The following RNF217 variants were observed in gnomAD, a reference collection of about 807,000 sequenced individuals.
The protein encoded by RNF217 is E3 ubiquitin-protein ligase RNF217.
Under a neutral mutation model 57.8 loss-of-function variants are expected in RNF217, and 31 were observed. The ratio of observed to expected loss-of-function variants is 0.54; its 90% CI spans 0.40 to 0.72. The LOEUF (loss-of-function observed/expected upper bound fraction) is 0.72. Ranked by LOEUF, RNF217 falls within the 30% of genes least tolerant of loss-of-function variation. The pLI is 0.00. For synonymous variants in RNF217, 313 were observed against 294.0 expected (o/e 1.06, Z -0.66); for missense variants, 696 against 708.3 (o/e 0.98, Z 0.20).
At position 125,045,207 on chromosome 6, in the gene RNF217, G is replaced by A. The variant is rs939981952; in HGVS notation, c.883-4G>A. ...TTCCTTCCATCTGCTCTTCCATCAT[G>A]CAGGTACAACTTGGCCAAGTAGAAA... On this transcript the variant is annotated splice_region_variant and splice_polypyrimidine_tract_variant and intron_variant, in intron 1 of 5. Coordinates refer to ENST00000521654, the MANE Select transcript of RNF217 (RefSeq NM_001286398.3). The A allele has an allele frequency of 8.8e-6, 14 of 1,598,786 alleles. No homozygotes were observed. Among genetic ancestry groups the A allele is most frequent in the Non-Finnish European group, 1.2e-5 (14 of 1,169,260 alleles).
At chr6:125,032,021 GAAGA>G (rs1031792421) in intron 1 of RNF217, among the ~76,000 whole-genome samples, 2 of 152,182 alleles carry the variant, frequency 1.3e-5, no homozygotes, top group African/African-American at 4.8e-5. Flanking sequence ...AGAAAATGAG[GAAGA>G]TGCAAAAGTG....
chr6:124,982,470 A>G (rs1784214739), intron 1 of RNF217, among the ~76,000 whole-genome samples: 1 of 152,192 alleles, frequency 6.6e-6, no homozygotes, highest in South Asian at 2.1e-4. Context: ...TTCTATAGCA[A>G]AAATGTGGTC....
intron 1 of RNF217, among the ~76,000 whole-genome samples, chr6:124,988,794 A>G (rs56298622): frequency 6.6e-6 from 1 of 152,166 alleles, no homozygotes; most frequent in East Asian, 1.9e-4. Context: ...GAGAATGTTC[A>G]TTCATAGAGA....
At chr6:125,046,733 C>G in intron 2 of RNF217, 1 of 453,870 alleles carries the variant, frequency 2.2e-6, no homozygotes, top group South Asian at 1.6e-5. Context: ...TTGAGGGGAC[C>G]ATGGTTTAGC....
rs1011901823 is a variant in RNF217, at chr6:125,084,499, G to A, written c.*1562G>A. 2.0e-5 allele frequency: 3 copies of A among 151,920 alleles called. No individual in the cohort carries two copies. The highest frequency in any genetic ancestry group is 7.2e-5 in the African/African-American group (3 of 41,406). The allele number at this position is 151,920 out of a possible 1,614,324, so 9.4% of individuals were successfully genotyped here. The stretch of plus-strand genomic sequence containing the variant: ...GTCTTAGATGTACATTTATTTGTCA[G>A]CAACCTTGTCTGATTTGAAATAGAT... On this transcript the variant is annotated 3_prime_UTR_variant, in exon 6 of 6. Coordinates refer to ENST00000521654, the MANE Select transcript of RNF217 (RefSeq NM_001286398.3).
intron 2 of RNF217, among the ~76,000 whole-genome samples, chr6:125,049,203 G>C (rs1481632127): frequency 6.6e-6 from 1 of 151,982 alleles, no homozygotes; most frequent in Non-Finnish European, 1.5e-5. Flanking sequence ...TTGAAGTTTT[G>C]ACTAATGTCC....
chr6:124,992,446 A>T (rs1490151550), intron 1 of RNF217, among the ~76,000 whole-genome samples: 6 of 152,166 alleles, frequency 3.9e-5, no homozygotes, highest in Admixed American at 3.9e-4. Context: ...TGTACTTGAC[A>T]TAGGCTGGTT....
intron 1 of RNF217, among the ~76,000 whole-genome samples, chr6:124,989,983 C>T (rs187551494): frequency 3.6e-4 from 55 of 152,036 alleles, no homozygotes; most frequent in African/African-American, 1.2e-3. Context: ...CAAAAGTTGT[C>T]TCCACTCCCA....
intron 1 of RNF217, among the ~76,000 whole-genome samples, chr6:125,040,120 G>GA (rs1786815127): frequency 6.6e-6 from 1 of 151,582 alleles, no homozygotes; most frequent in African/African-American, 2.4e-5. Flanking sequence ...ATAGAGACAT[G>GA]AAAAAACCTT....
At chr6:124,990,884 G>A (rs1784535100) in intron 1 of RNF217, among the ~76,000 whole-genome samples, 1 of 152,106 alleles carries the variant, frequency 6.6e-6, no homozygotes, top group Non-Finnish European at 1.5e-5. Flanking sequence ...GAGCAACAAA[G>A]CAAGACCCCA....
chr6:125,002,443 C>G (rs1785024949), intron 1 of RNF217, among the ~76,000 whole-genome samples: 2 of 149,878 alleles, frequency 1.3e-5, no homozygotes, highest in Non-Finnish European at 2.9e-5. Context: ...CCCTGCACGC[C>G]CCTATCCCCA....
At chr6:125,061,956 C>T (rs1414449882) in intron 3 of RNF217, among the ~76,000 whole-genome samples, 1 of 151,884 alleles carries the variant, frequency 6.6e-6, no homozygotes, top group Middle Eastern at 3.2e-3. Flanking sequence ...CAAATTGAAA[C>T]CATCTAACCC....
chr6:125,076,753 C>T lies in RNF217; in HGVS notation c.1378C>T (p.Arg460Ter), dbSNP rs777059419. 6.2e-6 allele frequency: 10 copies of T among 1,613,414 alleles called. 1 individual carries two copies. In the South Asian group the frequency reaches 6.6e-5, roughly 11 times the overall value. The change falls in exon 4 of 6, where the codon CGA becomes TGA. Residue 460 changes from arginine to a stop codon, truncating the protein, a stop_gained. Coordinates refer to ENST00000521654, the MANE Select transcript of RNF217 (RefSeq NM_001286398.3). LOFTEE classifies it high-confidence loss of function. ...YRCGERYRQL[R>*]FFGDHTSNLS... ...ATGTGGTGAGAGATACCGCCAGCTC[C>T]GATTTTTTGGAGACCACACATCAAA... is the stretch of plus-strand genomic sequence containing the variant.
intron 5 of RNF217, chr6:125,082,485 G>A (rs1788610693): frequency 2.5e-6 from 4 of 1,612,380 alleles, no homozygotes; most frequent in Non-Finnish European, 2.5e-6. Flanking sequence ...CTCATAAGTG[G>A]TAGAACCAGG....
Position 124,962,461 on chromosome 6 carries a change from G to C in RNF217, c.-84G>C. Reference sequence around the variant, plus strand: ...CAGAAGCGGAGCCGCGAGTCGAGCCGAGCCACTGCCCCCGCTGCCCGCGGG... The same window carrying C: ...CAGAAGCGGAGCCGCGAGTCGAGCCCAGCCACTGCCCCCGCTGCCCGCGGG... On this transcript the variant is annotated 5_prime_UTR_variant, in exon 1 of 6. Transcript: ENST00000521654. The surrounding 1 kb of genome is among the most constrained non-coding windows in gnomAD (Gnocchi z 4.6). 2 of 536,456 alleles carry C rather than the reference G, an allele frequency of 3.7e-6. No individual in the cohort carries two copies. The highest frequency in any genetic ancestry group is 5.1e-6 in the Non-Finnish European group (2 of 392,052). The allele number at this position is 536,456 out of a possible 1,614,324, so 33.2% of individuals were successfully genotyped here. A position where few individuals can be genotyped will look rare whatever the true frequency, so the allele number is the denominator to read the frequency against.
At chr6:125,054,492 A>T (rs1787449762) in intron 2 of RNF217, among the ~76,000 whole-genome samples, 1 of 152,140 alleles carries the variant, frequency 6.6e-6, no homozygotes, top group African/African-American at 2.4e-5. Context: ...CATTGTAGTC[A>T]TTTAGCTCTT....
At chr6:125,026,884 T>C (rs532060161) in intron 1 of RNF217, among the ~76,000 whole-genome samples, 1 of 152,296 alleles carries the variant, frequency 6.6e-6, no homozygotes, top group African/African-American at 2.4e-5. Flanking sequence ...TAGTATTATT[T>C]TCACATGCAA....
intron 1 of RNF217, among the ~76,000 whole-genome samples, chr6:125,041,300 A>G (rs1351856766): frequency 6.6e-6 from 1 of 152,088 alleles, no homozygotes; most frequent in Non-Finnish European, 1.5e-5. Context: ...ACAGCTAGAC[A>G]TCACTTGTGG....
intron 1 of RNF217, among the ~76,000 whole-genome samples, chr6:124,988,760 A>ATC (rs1443810401): frequency 6.6e-6 from 1 of 152,154 alleles, no homozygotes; most frequent in African/African-American, 2.4e-5. Flanking sequence ...AACACCTTTA[A>ATC]TCTTTGCCTA....
Sources: allele counts gnomAD v4.1 joint callset (sites outside exome capture counted in the v4.1 genomes callset), GRCh38; gene constraint gnomAD v4.1.1; non-coding constraint Gnocchi (gnomAD v3.1); transcripts MANE v1.5; gene names NCBI Gene and HGNC (gene_info 2026-07-23, HGNC 2026-07-21).